Variants in INTS1 observed in about 807,000 individuals in gnomAD.
The protein encoded by INTS1 is integrator complex subunit 1.
A neutral mutation model predicts 241.6 loss-of-function variants in INTS1; 137 were observed. The observed-to-expected ratio is 0.57, with a 90% CI of 0.49 to 0.65. The LOEUF is 0.65. Ranked by LOEUF, INTS1 falls within the 30% of genes least tolerant of loss-of-function variation. The pLI is 0.00. For synonymous variants in INTS1, 1,692 were observed against 1,337.8 expected (o/e 1.26, Z -5.78); for missense variants, 3,073 against 3,032.2 (o/e 1.01, Z -0.32).
At chr7:1,495,372 C>A (rs2128542570) in intron 13 of INTS1, 61 bp downstream of exon 13, 1 of 1,553,686 alleles carries the variant, frequency 6.4e-7, no homozygotes, top group Non-Finnish European at 8.7e-7. Flanking sequence ...TTGTGCGGGG[C>A]CCCGGCTTGT....
chr7:1,503,828 C>T (rs1004720038), intron 2 of INTS1, 75 bp downstream of exon 2: 2 of 935,132 alleles, frequency 2.1e-6, no homozygotes, highest in Non-Finnish European at 3.1e-6. Context: ...GCAGGATCCG[C>T]GGCAGCTGAG....
chr7:1,490,034 C>A (rs950682954), intron 16 of INTS1, among the ~76,000 whole-genome samples: 4 of 152,144 alleles, frequency 2.6e-5, no homozygotes, highest in Non-Finnish European at 5.9e-5. Flanking sequence ...TGTAACGATA[C>A]AATTAAATCA....
intron 44 of INTS1, 55 bp downstream of exon 44, chr7:1,472,218 G>A: frequency 7.5e-7 from 1 of 1,340,084 alleles, no homozygotes. Flanking sequence ...GCTGCCCGCA[G>A]CCCCATGGGA....
intron 26 of INTS1, chr7:1,483,536 G>T (rs1248065585): frequency 4.9e-6 from 3 of 617,830 alleles, no homozygotes; most frequent in Non-Finnish European, 8.9e-6. Context: ...CACCACGTGG[G>T]GATCTCCCAC....
In INTS1 at chr7:1,493,160, C is replaced by T. The variant is rs1030295012; in HGVS notation, c.2069-54G>A. 1.3e-6 allele frequency: 2 copies of T among 1,502,124 alleles called. No individual in the cohort carries two copies. Among genetic ancestry groups the T allele is most frequent in the South Asian group, 1.1e-5 (1 of 88,216 alleles). 93.0% of individuals were successfully genotyped at this position (1,502,124 alleles called of 1,614,324 possible). ...GGGGCTGCTCACAGACCATCAGGCA[C>T]AGGCAGCGAGGGAACCGGCCCTGCT... On this transcript the variant is annotated intron_variant, in intron 15 of 47. Transcript: ENST00000404767. The surrounding 1 kb of genome is among the most constrained non-coding windows in gnomAD (Gnocchi z 5.3).
Position 1,483,817 on chromosome 7 carries a change from T to C in INTS1, c.3466A>G (p.Ser1156Gly), listed in dbSNP as rs1359426013. The C allele has an allele frequency of 1.9e-6, 3 of 1,612,440 alleles. No homozygotes were observed. The highest frequency in any genetic ancestry group is 1.3e-5 in the African/African-American group (1 of 74,932). The change falls in exon 26 of 48, where the codon AGC becomes GGC. Residue 1156 changes from serine to glycine, a missense_variant. Physicochemically the swap from Ser to Gly is moderately conservative, Grantham distance 56 (BLOSUM62 0). Coordinates refer to ENST00000404767, the MANE Select transcript of INTS1 (RefSeq NM_001080453.3). The stretch of plus-strand genomic sequence containing the variant: ...ATGTGCATGGTGGCTGTCTCCCCGC[T>C]GCTCCAGCGTAGGAAGACCTGGTCC... ...SQDQVFLRWSSGETATMHILV... is the reference protein window; with the variant it reads ...SQDQVFLRWSGGETATMHILV...
At chr7:1,499,714 T>G in intron 5 of INTS1, 82 bp from the exon 6 acceptor site, 1 of 1,501,532 alleles carries the variant, frequency 6.7e-7, no homozygotes, top group East Asian at 2.3e-5. Flanking sequence ...GCCCGGGGAC[T>G]GGGTGCCCAG....
chr7:1,470,352 G>A lies in INTS1; in HGVS notation c.*225C>T, dbSNP rs886514860. On this transcript the variant is annotated 3_prime_UTR_variant, in exon 48 of 48. Coordinates refer to ENST00000404767, the MANE Select transcript of INTS1 (RefSeq NM_001080453.3). ...ATCCGCCGCTCCGCGGCAGGGCTGTGGCCCAGAAGGTGAATGAGGGCTTGC... is the reference window on the plus strand; with the variant it reads ...ATCCGCCGCTCCGCGGCAGGGCTGTAGCCCAGAAGGTGAATGAGGGCTTGC... 6.1e-6 allele frequency: 3 copies of A among 492,942 alleles called. No individual in the cohort carries two copies. The highest frequency in any genetic ancestry group is 4.1e-5 in the African/African-American group (2 of 49,058). The allele number at this position is 492,942 out of a possible 1,614,324, so 30.5% of individuals were successfully genotyped here.
chr7:1,471,714 C>T, intron 44 of INTS1, 73 bp from the exon 45 acceptor site: 1 of 1,452,756 alleles, frequency 6.9e-7, no homozygotes, highest in African/African-American at 1.4e-5. Context: ...CCCAGCCACC[C>T]AGAGGGGGCA....
intron 16 of INTS1, among the ~76,000 whole-genome samples, chr7:1,492,063 G>C (rs1782581142): frequency 6.6e-6 from 1 of 152,184 alleles, no homozygotes; most frequent in South Asian, 2.1e-4. Context: ...CTCAAGGTGG[G>C]GCAGCCGCTG....
At position 1,472,355 on chromosome 7, in the gene INTS1, G is replaced by A. The variant is rs757121318; in HGVS notation, c.6102C>T (p.Val2034=). ...EESSAGSLPL[V]SVSLFTPLTA... ...TCAGAGGGGTGAACAGGGAGACGCT[G>A]ACCAGGGGCAAGGAGCCGGCTGAGC... Residue 2034 remains valine (V), a synonymous_variant, in exon 44 of 48, where the codon GTC becomes GTT. Coordinates refer to ENST00000404767, the MANE Select transcript of INTS1 (RefSeq NM_001080453.3). 24 of 1,570,368 alleles carry A rather than the reference G, an allele frequency of 1.5e-5. No individual in the cohort carries two copies. The highest frequency in any genetic ancestry group is 3.7e-5 in the Admixed American group (2 of 54,136).
At chr7:1,499,769 C>G in intron 5 of INTS1, 115 bp downstream of exon 5, 1 of 1,469,378 alleles carries the variant, frequency 6.8e-7, no homozygotes, top group Admixed American at 2.3e-5. Context: ...CGTGCCATCA[C>G]CACCAGGGCT....
At chr7:1,478,078 G>T in intron 33 of INTS1, 142 bp from the exon 34 acceptor site, 1 of 762,810 alleles carries the variant, frequency 1.3e-6, no homozygotes, top group Non-Finnish European at 2.2e-6. Context: ...AGAGAGGAGA[G>T]TGCAGCCGGG....
At chr7:1,495,406 A>G in intron 13 of INTS1, 27 bp downstream of exon 13, 2 of 1,595,278 alleles carry the variant, frequency 1.3e-6, no homozygotes, top group South Asian at 1.1e-5. Flanking sequence ...GGTGTGGGAC[A>G]GGGGCTGTAC....
rs376233544 is a variant in INTS1 at position 1,472,572 on chromosome 7, C to T, written c.6071-186G>A. 3.3e-5 allele frequency among the ~76,000 whole-genome samples: 5 copies of T among 152,318 alleles called. No homozygotes were observed. In the East Asian group the frequency reaches 5.8e-4, roughly 18 times the overall value. Reference sequence around the variant, plus strand: ...GAGCTGCCTTTGGATCCGGCGCATGCACCTCTGCGAGTCTCTCCCTGCTGG... The same window carrying T: ...GAGCTGCCTTTGGATCCGGCGCATGTACCTCTGCGAGTCTCTCCCTGCTGG... On this transcript the variant is annotated intron_variant, in intron 43 of 47. Coordinates refer to ENST00000404767, the MANE Select transcript of INTS1 (RefSeq NM_001080453.3).
chr7:1,478,668 CTGAG>C, intron 32 of INTS1, 54 bp downstream of exon 32: 1 of 1,498,836 alleles, frequency 6.7e-7, no homozygotes. Flanking sequence ...CTTGGCCACT[CTGAG>C]TGAGCCCCTG....
At chr7:1,487,626 G>C (rs934470596) in intron 19 of INTS1, 134 bp downstream of exon 19, 20 of 1,286,926 alleles carry the variant, frequency 1.6e-5, no homozygotes, top group Non-Finnish European at 1.8e-5. Context: ...ACGCGGGGAC[G>C]GGGCTCCACA....
At position 1,485,160 on chromosome 7, in the gene INTS1, G is replaced by A. The variant is rs372190184; in HGVS notation, c.3199C>T (p.Leu1067=). 5 of 1,600,792 alleles carry A rather than the reference G, an allele frequency of 3.1e-6. No individual in the cohort carries two copies. The highest frequency in any genetic ancestry group is 4.5e-5 in the East Asian group (2 of 44,884). The stretch of plus-strand genomic sequence containing the variant: ...GGCGTGTGCTGGGACAAGTAGATCA[G>A]GTAGGCGCTGATGGTCTGGGGATCA... ...ETDPQTISAY[L]IYLSQHTPVE... The change falls in exon 24 of 48, where the codon CTG becomes TTG. Residue 1067 remains leucine (L), a synonymous_variant. Coordinates refer to ENST00000404767, the MANE Select transcript of INTS1 (RefSeq NM_001080453.3).
Position 1,493,845 on chromosome 7 carries a change from G to A in INTS1, c.1977C>T (p.Ile659=), listed in dbSNP as rs533600102. Residue 659 remains isoleucine, a synonymous_variant, in exon 15 of 48, where the codon ATC becomes ATT. Coordinates refer to ENST00000404767, the MANE Select transcript of INTS1 (RefSeq NM_001080453.3). The surrounding 1 kb of genome is among the most constrained non-coding windows in gnomAD (Gnocchi z 5.3). ...LEDTLMRILV[I]GLSRELPLGP... ...CGAGCGGGAGCTCCCGGGACAGCCC[G>A]ATGACCAGGATGCGCATCAGCGTGT... The A allele has an allele frequency of 3.0e-5, 47 of 1,568,706 alleles. No individual in the cohort carries two copies. Among genetic ancestry groups the A allele is most frequent in the South Asian group, 2.6e-4 (22 of 85,202 alleles).
Sources: gnomAD v4.1 joint callset for allele counts (sites outside exome capture counted in the v4.1 genomes callset) on GRCh38, gnomAD v4.1.1 for gene constraint, Gnocchi (gnomAD v3.1) non-coding constraint, MANE v1.5 for transcripts, NCBI Gene and HGNC (gene_info 2026-07-23, HGNC 2026-07-21) for gene names.